NINL: variants seen among roughly 807,000 people sequenced by gnomAD.
NINL encodes the protein ninein like, also known as ninein-like protein.
In NINL, 153 loss-of-function variants were observed where a neutral mutation model predicts 160.3. That is an observed-to-expected ratio of 0.95 (90% CI 0.84 to 1.09). NINL has a LOEUF of 1.09. Ranked by LOEUF, NINL falls within the 50% of genes least tolerant of loss-of-function variation. NINL has a pLI of 0.00. For synonymous variants in NINL, 800 were observed against 734.8 expected (o/e 1.09, Z -1.43); for missense variants, 1,829 against 1,764.0 (o/e 1.04, Z -0.66).
At chr20:25,574,138 C>G (rs766760999) in intron 1 of NINL, among the ~76,000 whole-genome samples, 3 of 152,058 alleles carry the variant, frequency 2.0e-5, no homozygotes, top group Admixed American at 6.5e-5. Context: ...GTATAAATGA[C>G]TGTTTCAAAA....
intron 1 of NINL, among the ~76,000 whole-genome samples, chr20:25,556,486 A>G (rs1195980560): frequency 6.6e-6 from 1 of 151,900 alleles, no homozygotes; most frequent in East Asian, 1.9e-4. Flanking sequence ...TTAGCTGGGC[A>G]TGGTCATGTG....
rs1173227835 is a variant in NINL at position 25,453,562 on chromosome 20, G to A, written c.4038C>T (p.Ala1346=). ...CGGCGCCTCGCTGCTTCTCCTCGGTGGCCTGAAGTGCTCTCACCAGGTGGG... is the reference window on the plus strand; with the variant it reads ...CGGCGCCTCGCTGCTTCTCCTCGGTAGCCTGAAGTGCTCTCACCAGGTGGG... ...ENAHLVRALQ[A]TEEKQRGAEK... Residue 1346 remains alanine (A), a synonymous_variant, in exon 24 of 24, where the codon GCC becomes GCT. Transcript: ENST00000278886. 6.2e-7 allele frequency: 1 copy of A among 1,614,126 alleles called. No individual in the cohort carries two copies.
intron 1 of NINL, among the ~76,000 whole-genome samples, chr20:25,577,835 CTTT>C (rs11476992): frequency 2.8e-5 from 4 of 141,534 alleles, no homozygotes; most frequent in Admixed American, 7.1e-5. Flanking sequence ...CTTTTCTTTT[CTTT>C]TTTTTTTTTT....
chr20:25,500,574 T>C (rs2063847297), intron 8 of NINL, among the ~76,000 whole-genome samples: 1 of 152,244 alleles, frequency 6.6e-6, no homozygotes, highest in Non-Finnish European at 1.5e-5. Context: ...GGGAAATGTC[T>C]AAGCCACTAA....
Position 25,479,032 on chromosome 20 carries a change from G to T in NINL, c.2092C>A (p.Gln698Lys). Residue 698 changes from glutamine to lysine, a missense_variant, in exon 16 of 24, where the codon CAG (glutamine) becomes AAG (lysine). Gln to Lys is a moderately conservative substitution (Grantham distance 53). Transcript: ENST00000278886. The part of the protein sequence containing the change: ...EVIWGLQEQL[Q>K]DTARGPEPEQ... ...GGCTCGGGGCCGCGGGCTGTGTCCT[G>T]CAGCTGCTCCTGCAGGCCCCAGATG... 1 of 1,610,792 alleles carries T rather than the reference G, an allele frequency of 6.2e-7. No homozygotes were observed. Among genetic ancestry groups the T allele is most frequent in the Non-Finnish European group, 8.5e-7 (1 of 1,179,982 alleles).
At chr20:25,554,624 CAAAAAAAAAAACAAAA>C (rs1436682398) in intron 1 of NINL, among the ~76,000 whole-genome samples, 28 of 49,726 alleles carry the variant, frequency 5.6e-4, no homozygotes, top group African/African-American at 8.7e-4. Context: ...TGTTCTTTAC[CAAAAAAAAAAACAAAA>C]AAAAAAAAAA....
chr20:25,500,756 C>G, intron 8 of NINL, 84 bp downstream of exon 8: 1 of 1,498,652 alleles, frequency 6.7e-7, no homozygotes, highest in Non-Finnish European at 9.1e-7. Flanking sequence ...GGTCCCCTGG[C>G]TTGGGACGCT....
chr20:25,478,223 CA>C, intron 16 of NINL, among the ~76,000 whole-genome samples: 1 of 152,166 alleles, frequency 6.6e-6, no homozygotes, highest in Admixed American at 6.5e-5. Context: ...GTGCTGATTA[CA>C]GGTGTGAGCC....
Position 25,476,502 on chromosome 20 carries a change from G to C in NINL, c.2789C>G (p.Ala930Gly). 3 of 1,603,668 alleles carry C rather than the reference G, an allele frequency of 1.9e-6. No individual in the cohort carries two copies. The highest frequency in any genetic ancestry group is 2.5e-6 in the Non-Finnish European group (3 of 1,179,854). Residue 930 changes from alanine (A) to glycine (G), a missense_variant, in exon 17 of 24, where the codon GCA (alanine) becomes GGA (glycine). Coordinates refer to ENST00000278886, the MANE Select transcript of NINL (RefSeq NM_025176.6). Reference protein sequence around the residue: ...PKEPEPFGASAAGLEQPGARE... With the variant: ...PKEPEPFGASGAGLEQPGARE... Reference sequence around the variant, plus strand: ...GGCTCCAGGCTGCTCCAGCCCCGCTGCGCTCGCGCCGAAAGGCTCTGGCTC... The same window carrying C: ...GGCTCCAGGCTGCTCCAGCCCCGCTCCGCTCGCGCCGAAAGGCTCTGGCTC...
At chr20:25,542,943 G>A (rs372055206) in intron 1 of NINL, among the ~76,000 whole-genome samples, 1 of 150,680 alleles carries the variant, frequency 6.6e-6, no homozygotes, top group East Asian at 1.9e-4. Flanking sequence ...GGGAGGCCAA[G>A]GCACGAGAAT....
intron 1 of NINL, among the ~76,000 whole-genome samples, chr20:25,530,885 T>A (rs2064446093): frequency 1.3e-5 from 2 of 152,162 alleles, no homozygotes; most frequent in Admixed American, 1.3e-4. Flanking sequence ...AGGCACACAT[T>A]GTCATTGATA....
intron 23 of NINL, among the ~76,000 whole-genome samples, chr20:25,454,430 A>G (rs998836085): frequency 6.6e-6 from 1 of 152,076 alleles, no homozygotes; most frequent in Non-Finnish European, 1.5e-5. Flanking sequence ...TGCTGGCGAG[A>G]CGGGCAACTG....
intron 13 of NINL, among the ~76,000 whole-genome samples, chr20:25,486,119 T>C (rs1263384642): frequency 1.3e-5 from 2 of 152,242 alleles, no homozygotes; most frequent in African/African-American, 2.4e-5. Context: ...TGTGAACAGT[T>C]GCATGTGGGT....
At chr20:25,470,850 C>T (rs1156949220) in intron 17 of NINL, among the ~76,000 whole-genome samples, 1 of 152,088 alleles carries the variant, frequency 6.6e-6, no homozygotes, top group East Asian at 1.9e-4. Context: ...AAAAGATCAC[C>T]AGTGAAGTAG....
chr20:25,524,923 A>ATATG (rs67806805), intron 2 of NINL, among the ~76,000 whole-genome samples: 2 of 133,512 alleles, frequency 1.5e-5, no homozygotes, highest in Non-Finnish European at 3.1e-5. Context: ...ATATATATAT[A>ATATG]TGTGTGTGTA....
intron 5 of NINL, among the ~76,000 whole-genome samples, chr20:25,509,333 T>C (rs1280001743): frequency 1.3e-5 from 2 of 152,120 alleles, no homozygotes; most frequent in Non-Finnish European, 2.9e-5. Context: ...AGACCCAGCC[T>C]TCAAGTGTCC....
intron 1 of NINL, among the ~76,000 whole-genome samples, chr20:25,574,355 C>CTT (rs374056975): frequency 6.8e-6 from 1 of 146,590 alleles, no homozygotes; most frequent in African/African-American, 2.5e-5. Context: ...CCACCACCGT[C>CTT]TTTTTTTTTT....
chr20:25,583,198 C>T (rs111469055), intron 1 of NINL, among the ~76,000 whole-genome samples: 7,794 of 152,064 alleles, frequency 0.051, 212 homozygotes, highest in Middle Eastern at 0.11. Context: ...ACCTACAGAA[C>T]GGGGTAAAAT....
chr20:25,464,484 G>A (rs2062863330), intron 19 of NINL, among the ~76,000 whole-genome samples: 1 of 152,120 alleles, frequency 6.6e-6, no homozygotes, highest in African/African-American at 2.4e-5. Flanking sequence ...TTTCAGACTT[G>A]AACAGTTGCA....
Sources: allele counts gnomAD v4.1 joint callset (sites outside exome capture counted in the v4.1 genomes callset), GRCh38; gene constraint gnomAD v4.1.1; transcripts MANE v1.5; gene names NCBI Gene and HGNC (gene_info 2026-07-23, HGNC 2026-07-21).